The following STX8 variants were observed in gnomAD, a reference collection of about 807,000 sequenced individuals.
The protein encoded by STX8 is syntaxin 8.
Under a neutral mutation model 37.5 loss-of-function variants are expected in STX8, and 23 were observed. The ratio of observed to expected loss-of-function variants is 0.61; its 90% CI spans 0.44 to 0.87. STX8 has a LOEUF of 0.87. Ranked by LOEUF, STX8 falls within the 40% of genes least tolerant of loss-of-function variation. STX8 has a pLI of 0.00. For synonymous variants in STX8, 115 were observed against 99.1 expected (o/e 1.16, Z -0.95); for missense variants, 313 against 284.7 (o/e 1.10, Z -0.71).
chr17:9,407,446 GT>G (rs1912840658), intron 6 of STX8, among the ~76,000 whole-genome samples: 1 of 152,172 alleles, frequency 6.6e-6, no homozygotes, highest in Non-Finnish European at 1.5e-5. Context: ...ATAGAAATGT[GT>G]TGACAAAAGG....
chr17:9,334,661 C>T (rs1245206782), intron 7 of STX8, among the ~76,000 whole-genome samples: 1 of 152,116 alleles, frequency 6.6e-6, no homozygotes, highest in Non-Finnish European at 1.5e-5. Flanking sequence ...AGTTTTGTTG[C>T]TGCTATAACA....
intron 5 of STX8, among the ~76,000 whole-genome samples, chr17:9,503,085 A>G (rs1904680304): frequency 7.2e-6 from 1 of 139,516 alleles, no homozygotes; most frequent in African/African-American, 2.7e-5. Context: ...CAGTCTAGGC[A>G]GCAAAGCCAG....
At chr17:9,436,966 C>A (rs1904455185) in intron 6 of STX8, among the ~76,000 whole-genome samples, 2 of 152,170 alleles carry the variant, frequency 1.3e-5, no homozygotes, top group South Asian at 2.1e-4. Flanking sequence ...ACAAAATACT[C>A]TTCTGTGCAA....
intron 6 of STX8, among the ~76,000 whole-genome samples, chr17:9,409,083 T>C (rs191486502): frequency 1.0e-3 from 140 of 134,336 alleles, no homozygotes; most frequent in African/African-American, 3.5e-3. Flanking sequence ...CCCAACCCCC[T>C]GCCCCCGCCC....
At chr17:9,563,062 C>T (rs1280153191) in intron 2 of STX8, among the ~76,000 whole-genome samples, 4 of 151,908 alleles carry the variant, frequency 2.6e-5, no homozygotes, top group African/African-American at 9.7e-5. Flanking sequence ...TAAAGAAGAA[C>T]AAGGAATATG....
At chr17:9,348,860 C>T (rs1910613327) in intron 7 of STX8, among the ~76,000 whole-genome samples, 4 of 152,194 alleles carry the variant, frequency 2.6e-5, no homozygotes, top group Admixed American at 2.0e-4. Context: ...CCAAGGTCTT[C>T]AGAGAAAAGC....
At chr17:9,463,152 A>T (rs2142423796) in intron 6 of STX8, among the ~76,000 whole-genome samples, 1 of 152,326 alleles carries the variant, frequency 6.6e-6, no homozygotes, top group Admixed American at 6.5e-5. Flanking sequence ...TTACAGCTTG[A>T]GCAGATTCAC....
intron 7 of STX8, among the ~76,000 whole-genome samples, chr17:9,253,506 C>A (rs73973383): frequency 3.8e-4 from 58 of 151,994 alleles, no homozygotes; most frequent in African/African-American, 1.4e-3. Context: ...GTTTATGTTG[C>A]GCAACATGAG....
At chr17:9,395,172 A>G (rs1487287511) in intron 6 of STX8, among the ~76,000 whole-genome samples, 1 of 152,038 alleles carries the variant, frequency 6.6e-6, no homozygotes, top group Non-Finnish European at 1.5e-5. Flanking sequence ...TATATTCATT[A>G]TGTTTATAGC....
intron 7 of STX8, among the ~76,000 whole-genome samples, chr17:9,339,988 A>C (rs775214845): frequency 6.6e-6 from 1 of 152,250 alleles, no homozygotes; most frequent in Non-Finnish European, 1.5e-5. Context: ...CTGGACTTTA[A>C]GCAACTTGAA....
At chr17:9,479,472 T>C (rs186465192) in intron 6 of STX8, among the ~76,000 whole-genome samples, 2 of 151,596 alleles carry the variant, frequency 1.3e-5, no homozygotes, top group South Asian at 2.1e-4. Context: ...AAGCAGAGGT[T>C]GCAGTGAGCT....
chr17:9,252,021 T>C (rs1597564319), intron 7 of STX8, among the ~76,000 whole-genome samples: 1 of 132,302 alleles, frequency 7.6e-6, no homozygotes, highest in South Asian at 2.4e-4. Flanking sequence ...TTTAAAAAAA[T>C]AGGCCGGGCA....
chr17:9,542,603 G>A (rs1906326288), intron 4 of STX8, among the ~76,000 whole-genome samples: 1 of 151,896 alleles, frequency 6.6e-6, no homozygotes, highest in Non-Finnish European at 1.5e-5. Flanking sequence ...TGTGAACCTG[G>A]GAGGCGGAGC....
At chr17:9,347,368 T>C (rs1019638951) in intron 7 of STX8, among the ~76,000 whole-genome samples, 1 of 152,188 alleles carries the variant, frequency 6.6e-6, no homozygotes, top group Non-Finnish European at 1.5e-5. Flanking sequence ...TTGTTTCTAA[T>C]GGAGCAGCTA....
chr17:9,505,749 C>T (rs542490659), intron 4 of STX8, among the ~76,000 whole-genome samples: 5 of 151,750 alleles, frequency 3.3e-5, no homozygotes, highest in Admixed American at 6.6e-5. Context: ...CAGACCAGCC[C>T]GTCCAACATG....
intron 7 of STX8, among the ~76,000 whole-genome samples, chr17:9,253,119 C>T (rs1906649514): frequency 6.6e-6 from 1 of 152,062 alleles, no homozygotes; most frequent in Non-Finnish European, 1.5e-5. Context: ...CTTGTAAATT[C>T]AGCCCTGCAT....
chr17:9,296,369 G>A (rs532092870), intron 7 of STX8, among the ~76,000 whole-genome samples: 47 of 149,972 alleles, frequency 3.1e-4, no homozygotes, highest in African/African-American at 9.3e-4. Flanking sequence ...GTGGTGGTGC[G>A]TGCCTGTAAT....
At chr17:9,266,175 AC>A (rs1212702307) in intron 7 of STX8, among the ~76,000 whole-genome samples, 36 of 152,358 alleles carry the variant, frequency 2.4e-4, no homozygotes, top group Admixed American at 2.2e-3. Flanking sequence ...TGACGTAATG[AC>A]AACTGGAAAC....
chr17:9,523,429 A>C (rs1597723193), intron 4 of STX8, among the ~76,000 whole-genome samples: 1 of 152,072 alleles, frequency 6.6e-6, no homozygotes. Context: ...AAGAGAAACA[A>C]ATGCGCAAAA....
Sources: gnomAD v4.1 joint callset for allele counts (sites outside exome capture counted in the v4.1 genomes callset) on GRCh38, gnomAD v4.1.1 for gene constraint, MANE v1.5 for transcripts, NCBI Gene and HGNC (gene_info 2026-07-23, HGNC 2026-07-21) for gene names.